Variants in RBM10 observed in about 807,000 individuals in gnomAD.
RBM10 encodes the protein RNA-binding protein 10.
Under a neutral mutation model 84.9 loss-of-function variants are expected in RBM10, and 1 was observed. The observed-to-expected ratio is 0.01, with a 90% CI of 0.00 to 0.06. The LOEUF (loss-of-function observed/expected upper bound fraction) is 0.06. RBM10 is among the 10% of genes least tolerant of loss of function. RBM10 has a pLI of 1.00. For synonymous variants in RBM10, 326 were observed against 344.5 expected, an observed-to-expected ratio of 0.95 and a Z score of 0.60; for missense variants, 438 against 839.0, an observed-to-expected ratio of 0.52 and a Z score of 5.90.
At chrX:47,159,940 C>T (rs781930513) in intron 2 of RBM10, among the ~76,000 whole-genome samples, 37 of 111,712 alleles carry the variant, frequency 3.3e-4, no homozygotes, top group African/African-American at 6.2e-4. Flanking sequence ...GAGTTCGAGA[C>T]GAGCCTGACC....
chrX:47,176,125 C>G (rs1281021023), intron 6 of RBM10, among the ~76,000 whole-genome samples: 1 of 112,198 alleles, frequency 8.9e-6, no homozygotes, highest in African/African-American at 3.2e-5. Context: ...CTCCCTCCCC[C>G]TCCCTGTCTC....
intron 12 of RBM10, 60 bp from the exon 13 acceptor site, chrX:47,181,155 T>TTC: frequency 2.3e-5 from 3 of 131,792 alleles, no homozygotes; most frequent in African/African-American, 3.9e-5. Context: ...TCTAGCAGGT[T>TTC]CCCCACCCCC....
intron 7 of RBM10, among the ~76,000 whole-genome samples, chrX:47,178,320 G>C (rs781916017): frequency 1.3e-4 from 15 of 111,320 alleles, no homozygotes; most frequent in African/African-American, 4.6e-4. Flanking sequence ...CCCCAGCAAG[G>C]CTTAACAAAA....
In RBM10 at chrX:47,181,323, T is replaced by A. The variant is rs1935513196; in HGVS notation, c.1357T>A (p.Ser453Thr). ...GYGNSQGTES[S>T]LYAHGYLKGT... ...TGGCAACAGCCAGGGCACAGAGTCT[T>A]CCCTCTATGCCCATGGCTACCTCAA... The change falls in exon 13 of 24, where the codon TCC becomes ACC. Residue 453 changes from serine (S) to threonine (T), a missense_variant. Physicochemically the swap from Ser to Thr is moderately conservative, Grantham distance 58 (BLOSUM62 1). Transcript: ENST00000377604. The A allele has an allele frequency of 4.2e-6, 5 of 1,192,310 alleles. No individual in the cohort carries two copies. The Admixed American group carries it at 1.2e-4, about 27-fold the overall frequency.
chrX:47,148,370 G>A (rs1193032217), intron 2 of RBM10, among the ~76,000 whole-genome samples: 3 of 111,601 alleles, frequency 2.7e-5, no homozygotes, highest in African/African-American at 9.8e-5. Context: ...TTCTGAATTT[G>A]AGTAGCTGAC....
Position 47,186,588 on chromosome X carries a change from G to A in RBM10, c.2782G>A (p.Glu928Lys), listed in dbSNP as rs782003699. Residue 928 changes from glutamate to lysine, a missense_variant, in exon 24 of 24, where the codon GAG becomes AAG. Glu to Lys is a moderately conservative substitution (Grantham distance 56, BLOSUM62 1). Around this residue, in one of 8 missense-constraint regions of RBM10, gnomAD observed 92 missense variants for 199.9 expected, o/e 0.46. Transcript: ENST00000377604. ...CAAGACAATGGTGACCCGCTTCAACGAGGCCCAGTGAGCAGCTTCAAGAGC... is the reference window on the plus strand; with the variant it reads ...CAAGACAATGGTGACCCGCTTCAACAAGGCCCAGTGAGCAGCTTCAAGAGC... ...LHKTMVTRFN[E>K]AQ The A allele has an allele frequency of 8.3e-7, 1 of 1,211,721 alleles. No homozygotes were observed. The highest frequency in any genetic ancestry group is 1.1e-6 in the Non-Finnish European group (1 of 895,514).
rs1935425571 is a variant in RBM10 at position 47,180,275 on chromosome X, A to G, written c.1126A>G (p.Thr376Ala). 1 of 1,203,989 alleles carries G rather than the reference A, an allele frequency of 8.3e-7. No homozygotes were observed. Among genetic ancestry groups the G allele is most frequent in the Non-Finnish European group, 1.1e-6 (1 of 891,285 alleles). The change falls in exon 11 of 24, where the codon ACC (threonine) becomes GCC (alanine). Residue 376 changes from threonine (T) to alanine (A), a missense_variant. Transcript: ENST00000377604. ...CCCACCACTCACTATCGACGGCAAG[A>G]CCATCAATGTTGAGTTTGCCAAGGG... ...LHPPLTIDGKTINVEFAKGSK... is the reference protein window; with the variant it reads ...LHPPLTIDGKAINVEFAKGSK...
chrX:47,183,610 T>G (rs1012973361), intron 17 of RBM10, among the ~76,000 whole-genome samples: 5 of 111,070 alleles, frequency 4.5e-5, no homozygotes, highest in African/African-American at 1.6e-4. Context: ...TGATGTACAT[T>G]ATTTGGCTGA....
At chrX:47,158,125 C>T (rs1233527023) in intron 2 of RBM10, 5 of 219,187 alleles carry the variant, frequency 2.3e-5, no homozygotes, top group Non-Finnish European at 4.2e-5. Context: ...CCGCTAAAGC[C>T]GGGAAATTGA....
At chrX:47,165,547 G>A (rs782216350) in intron 2 of RBM10, among the ~76,000 whole-genome samples, 21 of 108,065 alleles carry the variant, frequency 1.9e-4, no homozygotes, top group South Asian at 4.1e-4. Context: ...GGCTGGGCGC[G>A]GTGGCTCACA....
chrX:47,158,003 C>G (rs1246154342), intron 2 of RBM10: 1 of 170,604 alleles, frequency 5.9e-6, no homozygotes, highest in Non-Finnish European at 1.1e-5. Flanking sequence ...CTTGAACTCT[C>G]GACCTCAGGT....
rs782615949 is a variant in RBM10 at position 47,181,330 on chromosome X, A to G, written c.1364A>G (p.Tyr455Cys). Reference protein sequence around the residue: ...GNSQGTESSLYAHGYLKGTKG... With the variant: ...GNSQGTESSLCAHGYLKGTKG... Reference sequence around the variant, plus strand: ...AGCCAGGGCACAGAGTCTTCCCTCTATGCCCATGGCTACCTCAAGGGCACC... The same window carrying G: ...AGCCAGGGCACAGAGTCTTCCCTCTGTGCCCATGGCTACCTCAAGGGCACC... The change falls in exon 13 of 24, where the codon TAT becomes TGT. Residue 455 changes from tyrosine (Y) to cysteine (C), a missense_variant. Coordinates refer to ENST00000377604, the MANE Select transcript of RBM10 (RefSeq NM_005676.5). 4.2e-6 allele frequency: 5 copies of G among 1,195,236 alleles called. No homozygotes were observed. Among genetic ancestry groups the G allele is most frequent in the Non-Finnish European group, 5.6e-6 (5 of 887,330 alleles).
chrX:47,168,816 G>A (rs1934428080), intron 2 of RBM10, among the ~76,000 whole-genome samples: 1 of 110,988 alleles, frequency 9.0e-6, no homozygotes, highest in South Asian at 3.8e-4. Flanking sequence ...GAGTGGCTTT[G>A]CCTTAGAAAG....
intron 2 of RBM10, among the ~76,000 whole-genome samples, chrX:47,163,307 G>A (rs954979123): frequency 9.0e-6 from 1 of 111,639 alleles, no homozygotes; most frequent in Non-Finnish European, 1.9e-5. Flanking sequence ...AAAATTGGTG[G>A]AATCCTAATA....
intron 2 of RBM10, among the ~76,000 whole-genome samples, chrX:47,167,624 A>G (rs371341036): frequency 8.9e-6 from 1 of 112,099 alleles, no homozygotes; most frequent in East Asian, 2.8e-4. Flanking sequence ...TCGGCCTCCC[A>G]GGGTGCCACC....
At chrX:47,159,277 C>T (rs1193437074) in intron 2 of RBM10, among the ~76,000 whole-genome samples, 1 of 110,831 alleles carries the variant, frequency 9.0e-6, no homozygotes, top group Non-Finnish European at 1.9e-5. Flanking sequence ...GGCGTGGTGG[C>T]ACGTGCCTGT....
intron 2 of RBM10, among the ~76,000 whole-genome samples, chrX:47,151,835 C>T (rs781784854): frequency 2.7e-5 from 3 of 112,254 alleles, no homozygotes; most frequent in Non-Finnish European, 3.8e-5. Context: ...TTTAATAAAT[C>T]AAGAAAATTA....
chrX:47,162,310 C>T (rs1187870061), intron 2 of RBM10, among the ~76,000 whole-genome samples: 1 of 112,016 alleles, frequency 8.9e-6, no homozygotes, highest in East Asian at 2.8e-4. Context: ...TTTTTAACTC[C>T]TACCAGCAAT....
At chrX:47,173,864 C>T (rs1569186914) in intron 5 of RBM10, among the ~76,000 whole-genome samples, 1 of 107,192 alleles carries the variant, frequency 9.3e-6, no homozygotes, top group Non-Finnish European at 1.9e-5. Context: ...CTCTCCATCT[C>T]TCAGTCTCTC....
Sources: gnomAD v4.1 joint callset for allele counts (sites outside exome capture counted in the v4.1 genomes callset) on GRCh38, gnomAD v4.1.1 for gene constraint, gnomAD v4.1.1 regional missense constraint, MANE v1.5 for transcripts, NCBI Gene and HGNC (gene_info 2026-07-23, HGNC 2026-07-21) for gene names.